The following AGBL1 variants were observed in gnomAD, a reference collection of about 807,000 sequenced individuals.
AGBL1 encodes the protein AGBL carboxypeptidase 1, also known as cytosolic carboxypeptidase 4.
A neutral mutation model predicts 118.9 loss-of-function variants in AGBL1; 130 were observed. The ratio of observed to expected loss-of-function variants is 1.09; its 90% confidence interval spans 0.95 to 1.26. The LOEUF is 1.26. AGBL1 is among the 50% of genes most tolerant of loss of function. The pLI, the probability that AGBL1 is intolerant of heterozygous loss-of-function variation, is 0.00. For synonymous variants in AGBL1, 555 were observed against 478.9 expected (o/e 1.16, Z -2.08); for missense variants, 1,584 against 1,298.1 (o/e 1.22, Z -3.38).
At position 86,620,733 on chromosome 15, in the gene AGBL1, G is replaced by A. The variant is rs533919880; in HGVS notation, c.2995-53540G>A. On this transcript the variant is annotated intron_variant, in intron 21 of 22. Coordinates refer to ENST00000614907, the MANE Select transcript of AGBL1 (RefSeq NM_001386094.1). ...TAATCTATCTTCTCATTAGAGCCTC[G>A]TAAAAAGGGACTTTGCAACCTGCCA... is the stretch of plus-strand genomic sequence containing the variant. 6.6e-5 allele frequency among the ~76,000 whole-genome samples: 10 copies of A among 152,012 alleles called. No individual in the cohort carries two copies. The South Asian group carries it at 1.2e-3, about 19-fold the overall frequency.
intron 20 of AGBL1, among the ~76,000 whole-genome samples, chr15:86,552,548 T>G (rs2083678657): frequency 6.6e-6 from 1 of 152,198 alleles, no homozygotes; most frequent in African/African-American, 2.4e-5. Flanking sequence ...TAGCAGATTC[T>G]ATTTATTTTA....
chr15:86,454,412 T>C (rs1261608218), intron 18 of AGBL1, among the ~76,000 whole-genome samples: 1 of 152,198 alleles, frequency 6.6e-6, no homozygotes, highest in East Asian at 1.9e-4. Flanking sequence ...TGAATTCCAC[T>C]GTCTCCCCAA....
At chr15:86,992,016 G>C (rs947025838) in intron 24 of AGBL1, among the ~76,000 whole-genome samples, 57 of 152,182 alleles carry the variant, frequency 3.7e-4, no homozygotes, top group African/African-American at 1.4e-3. Context: ...AGGAAAAGAG[G>C]TTTAATTGGC....
intron 7 of AGBL1, among the ~76,000 whole-genome samples, chr15:86,249,671 C>G (rs1417976307): frequency 1.3e-5 from 2 of 152,198 alleles, no homozygotes; most frequent in Admixed American, 1.3e-4. Context: ...AACAGCCCCC[C>G]ACTCTGGTCC....
At chr15:86,126,757 C>T (rs144470308) in intron 1 of AGBL1, among the ~76,000 whole-genome samples, 358 of 152,206 alleles carry the variant, frequency 2.4e-3, no homozygotes, top group Non-Finnish European at 3.5e-3. Flanking sequence ...AAATAGGATG[C>T]CTAATTTTCT....
intron 17 of AGBL1, among the ~76,000 whole-genome samples, chr15:86,332,113 T>C (rs79319218): frequency 0.013 from 1,933 of 152,102 alleles, 55 homozygotes; most frequent in African/African-American, 0.044. Flanking sequence ...AAAGCAGGGA[T>C]TGCTATTCTT....
intron 6 of AGBL1, among the ~76,000 whole-genome samples, chr15:86,229,830 C>T (rs986084311): frequency 3.9e-5 from 6 of 152,176 alleles, no homozygotes; most frequent in African/African-American, 1.4e-4. Flanking sequence ...TTAGTATTAA[C>T]CTTGCTGTCC....
intron 18 of AGBL1, among the ~76,000 whole-genome samples, chr15:86,459,769 A>G (rs1445651468): frequency 6.6e-6 from 1 of 152,128 alleles, no homozygotes; most frequent in African/African-American, 2.4e-5. Flanking sequence ...CTAAGGGTAT[A>G]TTCTCAAGTC....
chr15:86,222,326 AT>A (rs2078292873), intron 5 of AGBL1, among the ~76,000 whole-genome samples: 1 of 152,158 alleles, frequency 6.6e-6, no homozygotes, highest in Non-Finnish European at 1.5e-5. Flanking sequence ...AATCAAAATC[AT>A]TATTTTGTCT....
chr15:86,349,262 A>G (rs57739117), intron 17 of AGBL1, among the ~76,000 whole-genome samples: 4,538 of 152,320 alleles, frequency 0.03, 234 homozygotes, highest in African/African-American at 0.1. Context: ...TTCATGTGGA[A>G]ACAAATACCT....
At chr15:86,221,075 G>A (rs1170274857) in intron 5 of AGBL1, among the ~76,000 whole-genome samples, 36 of 152,062 alleles carry the variant, frequency 2.4e-4, no homozygotes, top group Non-Finnish European at 5.9e-5. Context: ...TGGCATGCCT[G>A]TAATCCCAGC....
chr15:86,109,915 A>G (rs1393782076), intron 1 of AGBL1: 2 of 152,240 alleles, frequency 1.3e-5, no homozygotes, highest in African/African-American at 4.8e-5. Flanking sequence ...TATCCACAAA[A>G]GTTTCTGCAA....
At chr15:86,983,507 T>C (rs1276004080) in intron 23 of AGBL1, among the ~76,000 whole-genome samples, 1 of 152,252 alleles carries the variant, frequency 6.6e-6, no homozygotes, top group Non-Finnish European at 1.5e-5. Flanking sequence ...TTGTCTTTCC[T>C]GACTATGTTA....
chr15:86,554,665 C>A, intron 21 of AGBL1, 128 bp downstream of exon 21: 1 of 931,118 alleles, frequency 1.1e-6, no homozygotes, highest in Non-Finnish European at 1.4e-6. Flanking sequence ...TCCTCCCTTG[C>A]CTTGAAAAAC....
At chr15:86,628,822 GATTT>G (rs1466801451) in intron 21 of AGBL1, among the ~76,000 whole-genome samples, 4 of 151,998 alleles carry the variant, frequency 2.6e-5, no homozygotes, top group African/African-American at 9.7e-5. Context: ...TTTGAAATTT[GATTT>G]ATTTTTAAAT....
intron 18 of AGBL1, among the ~76,000 whole-genome samples, chr15:86,477,259 CA>C (rs141790867): frequency 0.68 from 103,625 of 151,644 alleles, 36,604 homozygotes; most frequent in African/African-American, 0.82. Context: ...GATAGAGACA[CA>C]AAAAAACCCT....
chr15:86,916,447 G>A (rs2080424847), downstream of AGBL1, among the ~76,000 whole-genome samples: 3 of 152,106 alleles, frequency 2.0e-5, no homozygotes, highest in Admixed American at 6.5e-5. Flanking sequence ...GTGTGTGAAT[G>A]TAAGTACATC....
intron 22 of AGBL1, among the ~76,000 whole-genome samples, chr15:86,881,566 G>C (rs1402155564): frequency 1.3e-5 from 2 of 152,088 alleles, no homozygotes; most frequent in Non-Finnish European, 2.9e-5. Flanking sequence ...GTATTACTCT[G>C]TCTTGTACTG....
At chr15:86,214,619 G>A (rs944266997) in intron 5 of AGBL1, among the ~76,000 whole-genome samples, 2 of 152,108 alleles carry the variant, frequency 1.3e-5, no homozygotes, top group Non-Finnish European at 1.5e-5. Flanking sequence ...TTGCAATCCC[G>A]GTCTGCTCCT....
Sources: gnomAD v4.1 joint callset for allele counts (sites outside exome capture counted in the v4.1 genomes callset) on GRCh38, gnomAD v4.1.1 for gene constraint, MANE v1.5 for transcripts, NCBI Gene and HGNC (gene_info 2026-07-23, HGNC 2026-07-21) for gene names.